The following FSTL4 variants were observed in gnomAD, a reference collection of about 807,000 sequenced individuals.
FSTL4 encodes the protein follistatin like 4, also known as follistatin-related protein 4.
Under a neutral mutation model 78.2 loss-of-function variants are expected in FSTL4, and 28 were observed. The observed-to-expected ratio is 0.36, with a 90% CI of 0.27 to 0.49. The LOEUF (loss-of-function observed/expected upper bound fraction) is 0.49, where lower values mean the gene tolerates loss of function less well. Among genes scored for constraint, FSTL4 ranks in the 20% least tolerant of loss-of-function variants. The probability of loss-of-function intolerance (pLI) is 0.98; values close to 1 mark genes in which losing one functional copy is unlikely to be tolerated. For missense variants in FSTL4, 922 were observed against 1,084.9 expected (o/e 0.85, Z 2.11); for synonymous variants, 422 against 440.5 (o/e 0.96, Z 0.53).
chr5:133,744,947 T>C, the FSTL4 span, among the ~76,000 whole-genome samples: 2 of 152,144 alleles, frequency 1.3e-5, no homozygotes, highest in African/African-American at 2.4e-5. Flanking sequence ...AACTACCTGG[T>C]CCATCAAAGG....
chr5:133,821,979 T>TG, the FSTL4 span, among the ~76,000 whole-genome samples: 9 of 152,106 alleles, frequency 5.9e-5, no homozygotes, highest in African/African-American at 2.2e-4. Flanking sequence ...CAAGTGACCC[T>TG]GGGGGGTCAC....
chr5:133,773,491 C>T, the FSTL4 span, among the ~76,000 whole-genome samples: 1 of 152,116 alleles, frequency 6.6e-6, no homozygotes, highest in Non-Finnish European at 1.5e-5. Context: ...AGTATTTATT[C>T]CCTTACCTAC....
At position 133,225,103 on chromosome 5, in the gene FSTL4, C is replaced by CA; in HGVS notation, c.1312+46dup. On this transcript the variant is annotated intron_variant, in intron 10 of 15. Coordinates refer to ENST00000265342, the MANE Select transcript of FSTL4 (RefSeq NM_015082.2). This position sits in a 1 kb window ranked among gnomAD's most constrained non-coding sequence, Gnocchi z 4.6. ...ATTGGTGCCCTCCCTTGCCACCCAA[C>CA]ACCTCCCAGCCAGCTCAGTGAGAAG... 6.2e-7 allele frequency: 1 copy of CA among 1,612,632 alleles called. No individual in the cohort carries two copies. Among genetic ancestry groups the CA allele is most frequent in the Non-Finnish European group, 8.5e-7 (1 of 1,179,088 alleles).
intron 3 of FSTL4, among the ~76,000 whole-genome samples, chr5:133,459,769 A>T (rs938633945): frequency 1.3e-5 from 2 of 151,924 alleles, no homozygotes; most frequent in African/African-American, 4.8e-5. Context: ...TTGGGAAGTG[A>T]AATGCTGTGG....
chr5:133,404,725 G>A (rs894547628), intron 3 of FSTL4, among the ~76,000 whole-genome samples: 9 of 152,134 alleles, frequency 5.9e-5, no homozygotes, highest in African/African-American at 9.7e-5. Flanking sequence ...GTCTGACCCC[G>A]GTGGAAGGCA....
At chr5:133,783,389 A>G in the FSTL4 span, among the ~76,000 whole-genome samples, 1 of 152,368 alleles carries the variant, frequency 6.6e-6, no homozygotes, top group Admixed American at 6.5e-5. Context: ...CTTTTGTCCC[A>G]GCATAATTAT....
At chr5:133,234,055 G>A (rs1027499069) in intron 7 of FSTL4, among the ~76,000 whole-genome samples, 1 of 152,156 alleles carries the variant, frequency 6.6e-6, no homozygotes, top group African/African-American at 2.4e-5. Context: ...TAGCCTTCAA[G>A]ACACATAAAT....
At chr5:133,373,296 C>T (rs1389083435) in intron 4 of FSTL4, among the ~76,000 whole-genome samples, 1 of 152,226 alleles carries the variant, frequency 6.6e-6, no homozygotes, top group Non-Finnish European at 1.5e-5. Flanking sequence ...CACCACCAGC[C>T]CACTGCCTTT....
At chr5:133,746,220 T>G in the FSTL4 span, among the ~76,000 whole-genome samples, 1 of 152,200 alleles carries the variant, frequency 6.6e-6, no homozygotes, top group African/African-American at 2.4e-5. Flanking sequence ...CTGCAAATCA[T>G]GGATTCAAAA....
chr5:133,744,004 C>T, the FSTL4 span, among the ~76,000 whole-genome samples: 1 of 152,230 alleles, frequency 6.6e-6, no homozygotes, highest in Admixed American at 6.5e-5. Context: ...GAGTGGCTGG[C>T]AGCCAGCGGA....
At chr5:133,322,277 C>CCA (rs1222286826) in intron 4 of FSTL4, among the ~76,000 whole-genome samples, 2 of 42,564 alleles carry the variant, frequency 4.7e-5, no homozygotes, top group Admixed American at 1.8e-4. Flanking sequence ...ACCCACACAC[C>CCA]CACACACACA....
chr5:133,713,322 A>G, the FSTL4 span, among the ~76,000 whole-genome samples: 583 of 152,362 alleles, frequency 3.8e-3, 9 homozygotes, highest in African/African-American at 0.014. Flanking sequence ...AACCCATAAA[A>G]AAGCAAAGCA....
the FSTL4 span, among the ~76,000 whole-genome samples, chr5:133,738,990 A>T: frequency 0.34 from 51,898 of 151,854 alleles, 9,459 homozygotes; most frequent in East Asian, 0.64. Flanking sequence ...TGTGGGCCTT[A>T]CTAGGCTGGG....
At chr5:133,317,200 A>G (rs1304282583) in intron 4 of FSTL4, among the ~76,000 whole-genome samples, 1 of 152,222 alleles carries the variant, frequency 6.6e-6, no homozygotes, top group Non-Finnish European at 1.5e-5. Flanking sequence ...TATGACCAAG[A>G]AACAAAAAGA....
chr5:133,549,470 C>T (rs149659371), intron 3 of FSTL4, among the ~76,000 whole-genome samples: 181 of 152,190 alleles, frequency 1.2e-3, no homozygotes, highest in Admixed American at 4.4e-3. Flanking sequence ...ATATTTTCAG[C>T]TCCCTTTTTA....
upstream of FSTL4, among the ~76,000 whole-genome samples, chr5:133,616,326 T>TATCTATC (rs1554073716): frequency 1.3e-5 from 2 of 151,856 alleles, no homozygotes; most frequent in Admixed American, 6.6e-5. Context: ...TCTATCTATC[T>TATCTATC]ATCTATCTAT....
chr5:133,318,629 T>C (rs924869283), intron 4 of FSTL4, among the ~76,000 whole-genome samples: 3 of 152,170 alleles, frequency 2.0e-5, no homozygotes, highest in Admixed American at 6.5e-5. Flanking sequence ...TATACCCAGA[T>C]ACTGAAAAAT....
chr5:133,578,804 G>T (rs1227434463), intron 2 of FSTL4, among the ~76,000 whole-genome samples: 1 of 152,172 alleles, frequency 6.6e-6, no homozygotes. Flanking sequence ...GTCAATAACT[G>T]ATTGATCACT....
At chr5:133,292,860 G>A (rs868175665) in intron 6 of FSTL4, among the ~76,000 whole-genome samples, 4 of 152,136 alleles carry the variant, frequency 2.6e-5, no homozygotes, top group Non-Finnish European at 4.4e-5. Flanking sequence ...ATTAGAGAGC[G>A]CCACTGTGAT....
Sources: allele counts gnomAD v4.1 joint callset (sites outside exome capture counted in the v4.1 genomes callset), GRCh38; gene constraint gnomAD v4.1.1; non-coding constraint Gnocchi (gnomAD v3.1); transcripts MANE v1.5; gene names NCBI Gene and HGNC (gene_info 2026-07-23, HGNC 2026-07-21).